The following ALK variants were observed in gnomAD, a reference collection of about 807,000 sequenced individuals.
The protein encoded by ALK is ALK receptor tyrosine kinase.
ALK carries 74 observed loss-of-function variants against 163.1 expected under a neutral mutation model. The ratio of observed to expected loss-of-function variants is 0.45; its 90% CI spans 0.38 to 0.55. ALK has a LOEUF of 0.55. Among genes scored for constraint, ALK ranks in the 20% least tolerant of loss-of-function variants. The pLI is 0.00. For missense variants in ALK, 2,063 were observed against 2,105.3 expected (o/e 0.98, Z 0.39); for synonymous variants, 960 against 843.2 (o/e 1.14, Z -2.40).
At chr2:29,797,097 G>GA (rs1664337035) in intron 1 of ALK, among the ~76,000 whole-genome samples, 1 of 151,526 alleles carries the variant, frequency 6.6e-6, no homozygotes, top group Non-Finnish European at 1.5e-5. Context: ...AAATCTAACA[G>GA]AAAGATGTAT....
chr2:29,656,717 T>C (rs1677195172), intron 3 of ALK, among the ~76,000 whole-genome samples: 1 of 152,108 alleles, frequency 6.6e-6, no homozygotes, highest in South Asian at 2.1e-4. Context: ...TAAAGCCAGG[T>C]AGTGCACTCT....
At chr2:29,399,815 TG>T (rs915240662) in intron 4 of ALK, among the ~76,000 whole-genome samples, 6 of 152,170 alleles carry the variant, frequency 3.9e-5, no homozygotes, top group African/African-American at 1.4e-4. Context: ...CATTTTCACA[TG>T]GGTGAAAATG....
intron 3 of ALK, among the ~76,000 whole-genome samples, chr2:29,606,735 C>T (rs1675551522): frequency 6.6e-6 from 1 of 152,186 alleles, no homozygotes; most frequent in African/African-American, 2.4e-5. Context: ...GAATGGCAGG[C>T]TTCAGTAGTT....
At position 29,641,615 on chromosome 2, in the gene ALK, T is replaced by TACCACC. The variant is rs566566021; in HGVS notation, c.952+53229_952+53234dup. Among the ~76,000 whole-genome samples the TACCACC allele has an allele frequency of 4.0e-3, 611 of 152,118 alleles. 2 individuals are homozygous for TACCACC. The highest frequency in any genetic ancestry group is 5.6e-3 in the Non-Finnish European group (378 of 67,986). On this transcript the variant is annotated intron_variant, in intron 3 of 28. Transcript: ENST00000389048. ...ACATAATTGCTTAATAGCCATTCCTTACCACCACCACCACCACCCCCTACT... is the reference window on the plus strand; with the variant it reads ...ACATAATTGCTTAATAGCCATTCCTTACCACCACCACCACCACCACCACCCCCTACT...
intron 4 of ALK, among the ~76,000 whole-genome samples, chr2:29,460,445 T>C (rs1671058164): frequency 1.3e-5 from 2 of 152,156 alleles, no homozygotes; most frequent in Non-Finnish European, 2.9e-5. Context: ...AACTGAAGAT[T>C]TGTGGCAGCC....
intron 2 of ALK, among the ~76,000 whole-genome samples, chr2:29,698,922 A>G (rs574146057): frequency 2.4e-4 from 37 of 152,336 alleles, no homozygotes; most frequent in African/African-American, 8.7e-4. Flanking sequence ...TTAATTTCTT[A>G]CAAAACATGG....
intron 3 of ALK, among the ~76,000 whole-genome samples, chr2:29,649,294 C>A (rs1388330243): frequency 1.3e-5 from 2 of 150,842 alleles, no homozygotes; most frequent in Non-Finnish European, 3.0e-5. Context: ...CATATTTATT[C>A]CTGCTCCCCG....
At chr2:29,497,818 C>G (rs1363550774) in intron 4 of ALK, among the ~76,000 whole-genome samples, 1 of 152,106 alleles carries the variant, frequency 6.6e-6, no homozygotes, top group Non-Finnish European at 1.5e-5. Context: ...TGGTCACCTT[C>G]TTCATATGAG....
intron 4 of ALK, among the ~76,000 whole-genome samples, chr2:29,389,617 T>G (rs1435623209): frequency 6.6e-6 from 1 of 152,196 alleles, no homozygotes; most frequent in Non-Finnish European, 1.5e-5. Context: ...ATTTGTTGAC[T>G]GAGAGGACAA....
At chr2:29,511,535 T>G (rs892959874) in intron 4 of ALK, among the ~76,000 whole-genome samples, 2 of 152,204 alleles carry the variant, frequency 1.3e-5, no homozygotes, top group Non-Finnish European at 2.9e-5. Context: ...TCTTTATCTA[T>G]TCACCTGTTG....
chr2:29,824,569 G>A (rs910270916), intron 1 of ALK, among the ~76,000 whole-genome samples: 23 of 152,232 alleles, frequency 1.5e-4, no homozygotes, highest in Non-Finnish European at 2.5e-4. Flanking sequence ...TGTGAGACAC[G>A]GAGTCAAGGG....
intron 3 of ALK, among the ~76,000 whole-genome samples, chr2:29,667,944 G>T (rs771976840): frequency 4.6e-5 from 7 of 151,954 alleles, no homozygotes; most frequent in Non-Finnish European, 1.0e-4. Context: ...GAGAGTTTTT[G>T]TTGTTGCTTC....
intron 5 of ALK, among the ~76,000 whole-genome samples, chr2:29,382,612 T>G (rs1209251051): frequency 6.6e-6 from 1 of 152,210 alleles, no homozygotes; most frequent in Non-Finnish European, 1.5e-5. Context: ...CTCTTTTGTA[T>G]GGTACATAGA....
intron 11 of ALK, among the ~76,000 whole-genome samples, chr2:29,265,334 A>G (rs1345785281): frequency 6.6e-6 from 1 of 152,130 alleles, no homozygotes; most frequent in Non-Finnish European, 1.5e-5. Flanking sequence ...TGTGTTTTTA[A>G]GAAAACACGT....
intron 1 of ALK, among the ~76,000 whole-genome samples, chr2:29,725,010 G>A (rs1186702452): frequency 2.6e-5 from 4 of 151,992 alleles, no homozygotes; most frequent in African/African-American, 9.7e-5. Context: ...TAACTTTTGT[G>A]TTCACTCAAT....
At chr2:29,441,062 G>T (rs1393420964) in intron 4 of ALK, among the ~76,000 whole-genome samples, 2 of 152,190 alleles carry the variant, frequency 1.3e-5, no homozygotes, top group Non-Finnish European at 2.9e-5. Context: ...GTCCCTGCAG[G>T]CCGGGTCTGG....
At chr2:29,386,261 C>G (rs1311220718) in intron 4 of ALK, among the ~76,000 whole-genome samples, 1 of 152,170 alleles carries the variant, frequency 6.6e-6, no homozygotes, top group East Asian at 1.9e-4. Flanking sequence ...TGAGTTTCCC[C>G]ACAATAGATG....
rs1378185030 is a variant in ALK, at chr2:29,193,601, T to G, written c.4486A>C (p.Arg1496=). The G allele has an allele frequency of 1.9e-6, 3 of 1,614,134 alleles. No individual in the cohort carries two copies. Among genetic ancestry groups the G allele is most frequent in the Non-Finnish European group, 2.5e-6 (3 of 1,180,046 alleles). ...TTCCACAAGCTGGTGGGCTTGTTTCTGGATCCGTGGACCTTGTGCAACTCC... is the reference window on the plus strand; with the variant it reads ...TTCCACAAGCTGGTGGGCTTGTTTCGGGATCCGTGGACCTTGTGCAACTCC... The part of the protein sequence containing the change: ...PSELHKVHGS[R]NKPTSLWNPT... The change falls in exon 29 of 29, where the codon AGA becomes CGA. Residue 1496 remains arginine (R), a synonymous_variant. Coordinates refer to ENST00000389048, the MANE Select transcript of ALK (RefSeq NM_004304.5).
At chr2:29,780,101 C>T (rs1417640667) in intron 1 of ALK, among the ~76,000 whole-genome samples, 1 of 152,202 alleles carries the variant, frequency 6.6e-6, no homozygotes, top group Non-Finnish European at 1.5e-5. Flanking sequence ...CTCAAAAACG[C>T]AGACTGAAGA....
Sources: gnomAD v4.1 joint callset for allele counts (sites outside exome capture counted in the v4.1 genomes callset) on GRCh38, gnomAD v4.1.1 for gene constraint, MANE v1.5 for transcripts, NCBI Gene and HGNC (gene_info 2026-07-23, HGNC 2026-07-21) for gene names.